Variants in MAN2B1 observed in about 807,000 individuals in gnomAD.
MAN2B1 encodes mannosidase alpha class 2B member 1.
In MAN2B1, 99 loss-of-function variants were observed where a neutral mutation model predicts 127.5. The observed-to-expected ratio is 0.78, with a 90% CI of 0.66 to 0.92. The LOEUF (loss-of-function observed/expected upper bound fraction) is 0.92. MAN2B1 is among the 40% of genes least tolerant of loss of function. The probability of loss-of-function intolerance (pLI) is 0.00; values close to 1 mark genes in which losing one functional copy is unlikely to be tolerated. For missense variants in MAN2B1, 1,304 were observed against 1,384.8 expected, an observed-to-expected ratio of 0.94 and a Z score of 0.93; for synonymous variants, 573 against 568.8, an observed-to-expected ratio of 1.01 and a Z score of -0.11.
rs748385386 is a variant in MAN2B1, at chr19:12,657,166, G to T, written c.1420-110C>A. On this transcript the variant is annotated intron_variant, in intron 11 of 23. Coordinates refer to ENST00000456935, the MANE Select transcript of MAN2B1 (RefSeq NM_000528.4). ...CTCTGTCCCGCCTCCCTCAAGAGTC[G>T]CCCCAAAACCCCTTCTAGCCCCACC... The T allele has an allele frequency of 7.4e-5, 56 of 753,688 alleles. No homozygotes were observed. The African/African-American group carries it at 8.2e-4, about 11-fold the overall frequency. 46.7% of individuals were successfully genotyped at this position (753,688 alleles called of 1,614,324 possible). A position where few individuals can be genotyped will look rare whatever the true frequency, so the allele number is the denominator to read the frequency against.
chr19:12,647,169 T>A lies in MAN2B1; in HGVS notation c.2923+64A>T. ...TGGCCAACATCCCATGCCTCACACA[T>A]TGCCCCCACCTGCCGGCCCCAGGTA... On this transcript the variant is annotated intron_variant, in intron 23 of 23. Transcript: ENST00000456935. This position sits in a 1 kb window ranked among gnomAD's most constrained non-coding sequence, Gnocchi z 4.9. 6 of 1,441,774 alleles carry A rather than the reference T, an allele frequency of 4.2e-6. No individual in the cohort carries two copies. Among genetic ancestry groups the A allele is most frequent in the Non-Finnish European group, 9.8e-7 (1 of 1,023,754 alleles). The allele number at this position is 1,441,774 out of a possible 1,614,324, so 89.3% of individuals were successfully genotyped here. A position where few individuals can be genotyped will look rare whatever the true frequency, so the allele number is the denominator to read the frequency against.
chr19:12,654,264 C>G lies in MAN2B1; in HGVS notation c.1830+1430G>C, dbSNP rs545657547. 1.5e-3 allele frequency among the ~76,000 whole-genome samples: 232 copies of G among 152,050 alleles called. 1 individual carries two copies. The highest frequency in any genetic ancestry group is 5.4e-3 in the African/African-American group (225 of 41,480). ...TCACCGTGTTAGCCAGGATGGTCTC[C>G]ATCTCCTGACCTCGTGATCTGCCTG... On this transcript the variant is annotated intron_variant, in intron 14 of 23. Transcript: ENST00000456935.
At position 12,652,141 on chromosome 19, in the gene MAN2B1, C is replaced by T. The variant is rs769321710; in HGVS notation, c.2046+12G>A. On this transcript the variant is annotated intron_variant, in intron 16 of 23. Coordinates refer to ENST00000456935, the MANE Select transcript of MAN2B1 (RefSeq NM_000528.4). Reference sequence around the variant, plus strand: ...ATTCCCAACTGCCCACTCATCATTCCTAGTCCCTGACCTTCACCAGGTGGA... The same window carrying T: ...ATTCCCAACTGCCCACTCATCATTCTTAGTCCCTGACCTTCACCAGGTGGA... 1.9e-6 allele frequency: 3 copies of T among 1,606,990 alleles called. No homozygotes were observed. The highest frequency in any genetic ancestry group is 2.6e-6 in the Non-Finnish European group (3 of 1,173,680).
chr19:12,663,919 T>C, intron 4 of MAN2B1, 84 bp from the exon 5 acceptor site: 1 of 1,573,866 alleles, frequency 6.4e-7, no homozygotes. Flanking sequence ...GAGGGGCAGG[T>C]CAGAGCACAG....
chr19:12,666,451 G>C (rs2024244133), intron 1 of MAN2B1, 92 bp downstream of exon 1: 15 of 1,399,270 alleles, frequency 1.1e-5, no homozygotes, highest in Non-Finnish European at 1.5e-5. Context: ...CCATTCACTA[G>C]ACACCCACAG....
chr19:12,656,851 C>G lies in MAN2B1; in HGVS notation c.1527+98G>C. ...TCTCTGCTGACCCAGCTTCGCAGCCCACGTAATTTCACTCCTGTATAGTCC... is the reference window on the plus strand; with the variant it reads ...TCTCTGCTGACCCAGCTTCGCAGCCGACGTAATTTCACTCCTGTATAGTCC... On this transcript the variant is annotated intron_variant, in intron 12 of 23. Transcript: ENST00000456935. 4 of 1,116,652 alleles carry G rather than the reference C, an allele frequency of 3.6e-6. No individual in the cohort carries two copies. The South Asian group carries it at 5.0e-5, about 14-fold the overall frequency. The allele number at this position is 1,116,652 out of a possible 1,614,324, so 69.2% of individuals were successfully genotyped here.
intron 18 of MAN2B1, 61 bp downstream of exon 18, chr19:12,649,852 A>ACCCCCCCCTGGCCC: frequency 8.9e-7 from 1 of 1,120,104 alleles, no homozygotes; most frequent in Non-Finnish European, 1.3e-6. Flanking sequence ...AATTTCCCTC[A>ACCCCCCCCTGGCCC]CCACCCCTGG....
chr19:12,651,145 C>A (rs549937089), intron 16 of MAN2B1, among the ~76,000 whole-genome samples: 1 of 152,088 alleles, frequency 6.6e-6, no homozygotes, highest in African/African-American at 2.4e-5. Flanking sequence ...CACTCTTGAG[C>A]GTGGCATAAA....
intron 11 of MAN2B1, 125 bp from the exon 12 acceptor site, chr19:12,657,181 C>T (rs762969691): frequency 4.8e-5 from 35 of 731,640 alleles, no homozygotes; most frequent in Middle Eastern, 2.2e-4. Context: ...AAAACCCCTT[C>T]TAGCCCCACC....
chr19:12,656,450 G>A, intron 13 of MAN2B1, 121 bp downstream of exon 13: 1 of 738,344 alleles, frequency 1.4e-6, no homozygotes, highest in Non-Finnish European at 2.5e-6. Flanking sequence ...ATACAAGAGG[G>A]GGGAAGAGAT....
At chr19:12,657,150 G>A in intron 11 of MAN2B1, 94 bp from the exon 12 acceptor site, 3 of 797,628 alleles carry the variant, frequency 3.8e-6, no homozygotes, top group East Asian at 2.7e-5. Flanking sequence ...TCTCTGTCCC[G>A]CCTCCCTCAA....
rs1410041653 is a variant in MAN2B1, at chr19:12,664,988, G to A, written c.437-3C>T. The stretch of plus-strand genomic sequence containing the variant: ...ACCATTGGCGAACTCCAGGCGCCCT[G>A]TGCCAGGACAGGCAAGGTCAGGGTC... On this transcript the variant is annotated splice_region_variant and splice_polypyrimidine_tract_variant and intron_variant, in intron 3 of 23. Coordinates refer to ENST00000456935, the MANE Select transcript of MAN2B1 (RefSeq NM_000528.4). 6.2e-7 allele frequency: 1 copy of A among 1,612,938 alleles called. No homozygotes were observed. Among genetic ancestry groups the A allele is most frequent in the Admixed American group, 1.7e-5 (1 of 60,030 alleles).
Position 12,658,116 on chromosome 19 carries a change from A to C in MAN2B1, c.1256T>G (p.Val419Gly). The change falls in exon 10 of 24, where the codon GTG becomes GGG. Residue 419 changes from valine to glycine, a missense_variant. Coordinates refer to ENST00000456935, the MANE Select transcript of MAN2B1 (RefSeq NM_000528.4). The part of the protein sequence containing the change: ...LQVCNQLEAL[V>G]GLAANVGPYG... ...GGGTCCCACGTTGGCCGCCAGGCCC[A>C]CCAGCGCCTCCAGCTGGTTGCACAC... 6.2e-7 allele frequency: 1 copy of C among 1,613,324 alleles called. No homozygotes were observed. Among genetic ancestry groups the C allele is most frequent in the Non-Finnish European group, 8.5e-7 (1 of 1,179,956 alleles).
At chr19:12,665,984 T>C (rs536666987) in intron 1 of MAN2B1, among the ~76,000 whole-genome samples, 179 bp from the exon 2 acceptor site, 1 of 152,250 alleles carries the variant, frequency 6.6e-6, no homozygotes, top group East Asian at 1.9e-4. Context: ...TAGATACAAC[T>C]CCACTTTGCA....
At chr19:12,661,469 G>T in intron 6 of MAN2B1, 93 bp from the exon 7 acceptor site, 2 of 861,522 alleles carry the variant, frequency 2.3e-6, no homozygotes, top group Non-Finnish European at 4.0e-6. Context: ...AGGATGTTGG[G>T]TGCACAGGCA....
chr19:12,647,750 G>A lies in MAN2B1; in HGVS notation c.2665-152C>T. On this transcript the variant is annotated intron_variant, in intron 21 of 23. Coordinates refer to ENST00000456935, the MANE Select transcript of MAN2B1 (RefSeq NM_000528.4). This position sits in a 1 kb window ranked among gnomAD's most constrained non-coding sequence, Gnocchi z 4.9. ...TCAGCCGAGAGGAGCGGCCAGGGCC[G>A]TGACAGGGAGGACTGAGCCAATGGG... 1 of 663,674 alleles carries A rather than the reference G, an allele frequency of 1.5e-6. No homozygotes were observed. 41.1% of individuals were successfully genotyped at this position (663,674 alleles called of 1,614,324 possible).
chr19:12,665,854 CG>C, intron 1 of MAN2B1, 49 bp from the exon 2 acceptor site: 1 of 1,464,860 alleles, frequency 6.8e-7, no homozygotes, highest in Non-Finnish European at 9.5e-7. Flanking sequence ...CCCCCGAGGT[CG>C]GGGGCTGCAG....
intron 7 of MAN2B1, among the ~76,000 whole-genome samples, chr19:12,659,879 A>G (rs916449213): frequency 6.6e-6 from 1 of 152,138 alleles, no homozygotes; most frequent in Non-Finnish European, 1.5e-5. Context: ...TAAATGACAT[A>G]AAAGAGCTGT....
At chr19:12,657,290 T>G in intron 11 of MAN2B1, 156 bp downstream of exon 11, 1 of 729,282 alleles carries the variant, frequency 1.4e-6, no homozygotes, top group Non-Finnish European at 2.4e-6. Context: ...CCTGTATCTT[T>G]CCCCGCCTCC....
Sources: gnomAD v4.1 joint callset for allele counts (sites outside exome capture counted in the v4.1 genomes callset) on GRCh38, gnomAD v4.1.1 for gene constraint, Gnocchi (gnomAD v3.1) non-coding constraint, MANE v1.5 for transcripts, NCBI Gene and HGNC (gene_info 2026-07-23, HGNC 2026-07-21) for gene names.